The following HMGCS1 variants were observed in gnomAD, a reference collection of about 807,000 sequenced individuals.
The protein encoded by HMGCS1 is 3-hydroxy-3-methylglutaryl-CoA synthase 1.
Under a neutral mutation model 52.3 loss-of-function variants are expected in HMGCS1, and 9 were observed. That is an observed-to-expected ratio of 0.17 (90% CI 0.10 to 0.30). The LOEUF (loss-of-function observed/expected upper bound fraction) is 0.30. HMGCS1 is among the 10% of genes least tolerant of loss of function. The probability of loss-of-function intolerance (pLI) is 1.00; values close to 1 mark genes in which losing one functional copy is unlikely to be tolerated. For synonymous variants in HMGCS1, 176 were observed against 214.4 expected, an observed-to-expected ratio of 0.82 and a Z score of 1.57; for missense variants, 320 against 620.9, an observed-to-expected ratio of 0.52 and a Z score of 5.15.
chr5:43,292,981 A>G lies in HMGCS1; in HGVS notation c.1184-8T>C. 1.3e-6 allele frequency: 2 copies of G among 1,574,830 alleles called. No homozygotes were observed. The highest frequency in any genetic ancestry group is 1.7e-6 in the Non-Finnish European group (2 of 1,166,384). ...TTTTATCAAGAGCAGACCCTAAAATAGTGAATAATTCAACATTAAAAGATT... is the reference window on the plus strand; with the variant it reads ...TTTTATCAAGAGCAGACCCTAAAATGGTGAATAATTCAACATTAAAAGATT... On this transcript the variant is annotated splice_polypyrimidine_tract_variant and splice_region_variant and intron_variant, in intron 8 of 10. Coordinates refer to ENST00000325110, the MANE Select transcript of HMGCS1 (RefSeq NM_001098272.3).
Position 43,290,965 on chromosome 5 carries a change from C to T in HMGCS1, c.*166G>A, listed in dbSNP as rs1398587252. 7 of 564,590 alleles carry T rather than the reference C, an allele frequency of 1.2e-5. No individual in the cohort carries two copies. The South Asian group carries it at 1.4e-4, about 12-fold the overall frequency. The allele number at this position is 564,590 out of a possible 1,614,324, so 35.0% of individuals were successfully genotyped here. Reference sequence around the variant, plus strand: ...CATGTCAGCAAATAGAGCAAAGAGACTTTCCCAAGTACACGATAGTCATCC... The same window carrying T: ...CATGTCAGCAAATAGAGCAAAGAGATTTTCCCAAGTACACGATAGTCATCC... On this transcript the variant is annotated 3_prime_UTR_variant, in exon 11 of 11. Coordinates refer to ENST00000325110, the MANE Select transcript of HMGCS1 (RefSeq NM_001098272.3).
At chr5:43,308,917 A>C (rs1373247667) in intron 1 of HMGCS1, among the ~76,000 whole-genome samples, 4 of 152,194 alleles carry the variant, frequency 2.6e-5, no homozygotes, top group Non-Finnish European at 5.9e-5. Flanking sequence ...AAAAAGAAAT[A>C]GATCTTGAGT....
chr5:43,307,067 A>ATT (rs59297862), intron 2 of HMGCS1, among the ~76,000 whole-genome samples: 109 of 123,642 alleles, frequency 8.8e-4, no homozygotes, highest in African/African-American at 2.5e-3. Flanking sequence ...TTCTCACATA[A>ATT]TTTTTTTTTT....
rs989653364 is a variant in HMGCS1 at position 43,290,994 on chromosome 5, C to T, written c.*137G>A. 1.5e-5 allele frequency: 9 copies of T among 615,778 alleles called. No homozygotes were observed. The highest frequency in any genetic ancestry group is 2.7e-5 in the Non-Finnish European group (9 of 339,400). 38.1% of individuals were successfully genotyped at this position (615,778 alleles called of 1,614,324 possible). ...CCCAAGTACACGATAGTCATCCAGG[C>T]TCCATGTCAGTCACATAAAAATTTA... On this transcript the variant is annotated 3_prime_UTR_variant, in exon 11 of 11. Transcript: ENST00000325110.
chr5:43,304,668 T>A (rs1040407955), intron 2 of HMGCS1, among the ~76,000 whole-genome samples: 7 of 152,232 alleles, frequency 4.6e-5, no homozygotes, highest in Non-Finnish European at 7.3e-5. Context: ...ACATGTTTCA[T>A]TTGAAAACAA....
chr5:43,309,262 G>A (rs777048540), intron 1 of HMGCS1, among the ~76,000 whole-genome samples: 1 of 149,932 alleles, frequency 6.7e-6, no homozygotes, highest in East Asian at 1.9e-4. Context: ...TTGAGACAGG[G>A]TCTCCCTCTG....
intron 2 of HMGCS1, among the ~76,000 whole-genome samples, chr5:43,305,691 A>C (rs959379158): frequency 6.6e-6 from 1 of 151,392 alleles, no homozygotes; most frequent in Non-Finnish European, 1.5e-5. Flanking sequence ...AATCACTTGA[A>C]CCTGGGAGAC....
chr5:43,302,186 T>C (rs1398560520), intron 2 of HMGCS1, among the ~76,000 whole-genome samples: 2 of 152,230 alleles, frequency 1.3e-5, no homozygotes, highest in African/African-American at 2.4e-5. Flanking sequence ...TTAACTTTCA[T>C]GTATGCAGTT....
In HMGCS1 at chr5:43,298,144, AT is replaced by A; in HGVS notation, c.449-11del. 1 of 1,596,968 alleles carries A rather than the reference AT, an allele frequency of 6.3e-7. No individual in the cohort carries two copies. The highest frequency in any genetic ancestry group is 8.5e-7 in the Non-Finnish European group (1 of 1,174,494). ...ACCAGGGCATACCGTCCTGAAAAAT[AT>A]TTTTTGTTATTTCACAAGAAGGAAT... On this transcript the variant is annotated splice_polypyrimidine_tract_variant and intron_variant, in intron 3 of 10. Coordinates refer to ENST00000325110, the MANE Select transcript of HMGCS1 (RefSeq NM_001098272.3). The surrounding 1 kb of genome is among the most constrained non-coding windows in gnomAD (Gnocchi z 5.6).
rs1340677896 is a variant in HMGCS1 at position 43,287,910 on chromosome 5, A to G, written c.*3221T>C. 1 of 152,322 alleles carries G rather than the reference A, an allele frequency of 6.6e-6. No homozygotes were observed. Among genetic ancestry groups the G allele is most frequent in the African/African-American group, 2.4e-5 (1 of 41,470 alleles). 9.4% of individuals were successfully genotyped at this position (152,322 alleles called of 1,614,324 possible). On this transcript the variant is annotated 3_prime_UTR_variant, in exon 11 of 11. Transcript: ENST00000325110. The stretch of plus-strand genomic sequence containing the variant: ...TGGAGTAGAAGGCAGGGCAGAGAAG[A>G]TCTGAAGTGGGGCCCAACATTTCTG...
At position 43,291,157 on chromosome 5, in the gene HMGCS1, C is replaced by T. The variant is rs1753745958; in HGVS notation, c.1537G>A (p.Ala513Thr). The change falls in exon 11 of 11, where the codon GCT (alanine) becomes ACT (threonine). Residue 513 changes from alanine to threonine, a missense_variant. Ala to Thr is a moderately conservative substitution (Grantham distance 58, BLOSUM62 0). Transcript: ENST00000325110. ...TAATGTTCCCCATTACTAATGACAG[C>T]TGCTTCAGGTTCTGCTGCTGTGGCA... ...LPATAAEPEA[A>T]VISNGEH The T allele has an allele frequency of 6.2e-7, 1 of 1,610,334 alleles. No individual in the cohort carries two copies. Among genetic ancestry groups the T allele is most frequent in the African/African-American group, 1.3e-5 (1 of 74,620 alleles).
Position 43,290,996 on chromosome 5 carries a change from C to T in HMGCS1, c.*135G>A. 1 of 618,250 alleles carries T rather than the reference C, an allele frequency of 1.6e-6. No homozygotes were observed. The highest frequency in any genetic ancestry group is 2.9e-6 in the Non-Finnish European group (1 of 340,714). The allele number at this position is 618,250 out of a possible 1,614,324, so 38.3% of individuals were successfully genotyped here. A position where few individuals can be genotyped will look rare whatever the true frequency, so the allele number is the denominator to read the frequency against. ...CAAGTACACGATAGTCATCCAGGCT[C>T]CATGTCAGTCACATAAAAATTTACA... On this transcript the variant is annotated 3_prime_UTR_variant, in exon 11 of 11. Coordinates refer to ENST00000325110, the MANE Select transcript of HMGCS1 (RefSeq NM_001098272.3).
chr5:43,305,752 A>G (rs887413201), intron 2 of HMGCS1, among the ~76,000 whole-genome samples: 1 of 147,954 alleles, frequency 6.8e-6, no homozygotes, highest in African/African-American at 2.5e-5. Flanking sequence ...ACTGCACTCC[A>G]GCCTGGGTCA....
intron 2 of HMGCS1, among the ~76,000 whole-genome samples, chr5:43,302,997 T>C (rs1297355859): frequency 6.6e-6 from 1 of 152,240 alleles, no homozygotes; most frequent in African/African-American, 2.4e-5. Flanking sequence ...TCCATCTTAT[T>C]GAATGTGCAA....
chr5:43,303,086 CTTAAT>C (rs1313021985), intron 2 of HMGCS1, among the ~76,000 whole-genome samples: 2 of 152,198 alleles, frequency 1.3e-5, no homozygotes, highest in Non-Finnish European at 2.9e-5. Flanking sequence ...AGCATTGTAT[CTTAAT>C]TTAATTGGCA....
At chr5:43,304,253 A>T (rs947741467) in intron 2 of HMGCS1, among the ~76,000 whole-genome samples, 9 of 152,234 alleles carry the variant, frequency 5.9e-5, no homozygotes, top group African/African-American at 2.2e-4. Flanking sequence ...AGCCTTTCCC[A>T]CAAGGCTACC....
intron 1 of HMGCS1, among the ~76,000 whole-genome samples, chr5:43,312,284 C>A (rs1246153599): frequency 3.3e-5 from 5 of 152,188 alleles, no homozygotes; most frequent in African/African-American, 1.2e-4. Flanking sequence ...TAGTTAGCAG[C>A]AACCAGAACA....
intron 1 of HMGCS1, among the ~76,000 whole-genome samples, chr5:43,309,541 C>T (rs1754756175): frequency 6.6e-6 from 1 of 152,074 alleles, no homozygotes; most frequent in African/African-American, 2.4e-5. Context: ...TGCCTGGGCC[C>T]CTCTTTCTAT....
At chr5:43,311,604 G>A (rs1754874452) in intron 1 of HMGCS1, among the ~76,000 whole-genome samples, 1 of 152,118 alleles carries the variant, frequency 6.6e-6, no homozygotes, top group Non-Finnish European at 1.5e-5. Flanking sequence ...AATGATTCTA[G>A]AGGACACAGG....
Sources: allele counts gnomAD v4.1 joint callset (sites outside exome capture counted in the v4.1 genomes callset), GRCh38; gene constraint gnomAD v4.1.1; non-coding constraint Gnocchi (gnomAD v3.1); transcripts MANE v1.5; gene names NCBI Gene and HGNC (gene_info 2026-07-23, HGNC 2026-07-21).